The following ARB2A variants were observed in gnomAD, a reference collection of about 807,000 sequenced individuals.
ARB2A encodes cotranscriptional regulator ARB2A.
the ARB2A span, chr5:93,739,245 A>AG: frequency 2.2e-4 from 33 of 152,108 alleles, no homozygotes; most frequent in African/African-American, 7.0e-4. Context: ...CACCAGAAAA[A>AG]AAAAGAAAGA....
the ARB2A span, among the ~76,000 whole-genome samples, chr5:93,924,892 T>A: frequency 6.6e-6 from 1 of 152,136 alleles, no homozygotes; most frequent in African/African-American, 2.4e-5. Flanking sequence ...AATAACTTAA[T>A]CATCACTCAT....
chr5:93,717,143 T>C, the ARB2A span, among the ~76,000 whole-genome samples: 39 of 152,328 alleles, frequency 2.6e-4, 1 homozygote, highest in East Asian at 6.4e-3. Context: ...ATGGTATCTA[T>C]TGAGCAAATG....
At chr5:93,933,036 C>T in the ARB2A span, among the ~76,000 whole-genome samples, 1 of 152,076 alleles carries the variant, frequency 6.6e-6, no homozygotes, top group African/African-American at 2.4e-5. Flanking sequence ...ATGCGGACAA[C>T]AAACATATGA....
chr5:93,625,680 C>T, the ARB2A span, among the ~76,000 whole-genome samples: 1 of 152,060 alleles, frequency 6.6e-6, no homozygotes, highest in Non-Finnish European at 1.5e-5. Flanking sequence ...CTCTAAGAAT[C>T]AAGAATGAGA....
the ARB2A span, among the ~76,000 whole-genome samples, chr5:93,997,608 G>C: frequency 6.6e-6 from 1 of 151,948 alleles, no homozygotes; most frequent in Non-Finnish European, 1.5e-5. Context: ...TCTTTGAAAT[G>C]CATCAATTGT....
chr5:94,040,199 C>T, the ARB2A span, among the ~76,000 whole-genome samples: 1 of 152,058 alleles, frequency 6.6e-6, no homozygotes, highest in Non-Finnish European at 1.5e-5. Context: ...AATTAATCTG[C>T]CTTGTACTCT....
the ARB2A span, among the ~76,000 whole-genome samples, chr5:93,722,534 GA>G: frequency 5.3e-5 from 8 of 152,018 alleles, no homozygotes; most frequent in Admixed American, 4.6e-4. Flanking sequence ...TGCTTTAAAA[GA>G]AAAAAAGCTT....
the ARB2A span, among the ~76,000 whole-genome samples, chr5:94,099,933 T>C: frequency 2.6e-5 from 4 of 152,128 alleles, no homozygotes; most frequent in African/African-American, 9.7e-5. Context: ...TTGGAAGTCC[T>C]AGCCAGAGCA....
the ARB2A span, among the ~76,000 whole-genome samples, chr5:93,699,029 T>C: frequency 2.0e-5 from 3 of 152,194 alleles, no homozygotes; most frequent in East Asian, 5.8e-4. Context: ...ATAGACTGAA[T>C]ATAGAACCAA....
chr5:93,882,594 G>A, the ARB2A span, among the ~76,000 whole-genome samples: 2 of 150,538 alleles, frequency 1.3e-5, no homozygotes, highest in African/African-American at 4.9e-5. Context: ...TATGTCTAAT[G>A]GAATAAGCTA....
the ARB2A span, among the ~76,000 whole-genome samples, chr5:94,047,475 AGAGT>A: frequency 3.3e-5 from 5 of 150,778 alleles, no homozygotes; most frequent in Admixed American, 2.7e-4. Flanking sequence ...CCTGGGTGAC[AGAGT>A]GAGACTCCAT....
the ARB2A span, among the ~76,000 whole-genome samples, chr5:93,995,913 T>C: frequency 1.3e-5 from 2 of 152,104 alleles, no homozygotes; most frequent in African/African-American, 4.8e-5. Flanking sequence ...TCTGGAGAAA[T>C]ACAGTATTGG....
At chr5:93,644,476 A>G in the ARB2A span, among the ~76,000 whole-genome samples, 1 of 152,212 alleles carries the variant, frequency 6.6e-6, no homozygotes, top group African/African-American at 2.4e-5. Flanking sequence ...GGGTCCCAGA[A>G]AGTTCACAAT....
the ARB2A span, among the ~76,000 whole-genome samples, chr5:93,640,263 A>G: frequency 2.0e-4 from 30 of 151,062 alleles, no homozygotes; most frequent in African/African-American, 6.3e-4. Flanking sequence ...AGCCTGGCCA[A>G]CGTGGTGAAA....
At chr5:93,645,530 C>T in the ARB2A span, among the ~76,000 whole-genome samples, 7 of 149,954 alleles carry the variant, frequency 4.7e-5, no homozygotes, top group African/African-American at 1.2e-4. Flanking sequence ...GCCAAGATTG[C>T]GCCACTGCAC....
chr5:94,095,261 C>G, the ARB2A span, among the ~76,000 whole-genome samples: 1 of 152,190 alleles, frequency 6.6e-6, no homozygotes, highest in African/African-American at 2.4e-5. Context: ...GATCCTCAAT[C>G]ATACCATTAG....
the ARB2A span, among the ~76,000 whole-genome samples, chr5:93,664,560 G>A: frequency 2.0e-5 from 3 of 151,284 alleles, no homozygotes; most frequent in African/African-American, 4.8e-5. Flanking sequence ...GAACCCGGGA[G>A]GTGGAGCTTG....
chr5:94,007,427 TTACTC>T, the ARB2A span, among the ~76,000 whole-genome samples: 1 of 152,128 alleles, frequency 6.6e-6, no homozygotes, highest in East Asian at 1.9e-4. Flanking sequence ...GTCTGAGAAT[TTACTC>T]TACTAGAAAC....
At chr5:94,021,619 C>T in the ARB2A span, among the ~76,000 whole-genome samples, 2 of 152,196 alleles carry the variant, frequency 1.3e-5, no homozygotes, top group South Asian at 2.1e-4. Context: ...CTTGGTTATA[C>T]GGTCAAACAG....
Sources: allele counts gnomAD v4.1 joint callset (sites outside exome capture counted in the v4.1 genomes callset), GRCh38; gene constraint gnomAD v4.1.1; transcripts MANE v1.5; gene names NCBI Gene and HGNC (gene_info 2026-07-23, HGNC 2026-07-21).